The following ENPP6 variants were observed in gnomAD, a reference collection of about 807,000 sequenced individuals.
The protein encoded by ENPP6 is ectonucleotide pyrophosphatase/phosphodiesterase 6, also known as glycerophosphocholine cholinephosphodiesterase ENPP6.
Under a neutral mutation model 42.0 loss-of-function variants are expected in ENPP6, and 32 were observed. The observed-to-expected ratio is 0.76, with a 90% confidence interval of 0.58 to 1.02. The LOEUF (loss-of-function observed/expected upper bound fraction) is 1.02, where lower values mean the gene tolerates loss of function less well. Ranked by LOEUF, ENPP6 falls within the 50% of genes least tolerant of loss-of-function variation. The probability of loss-of-function intolerance (pLI) is 0.00; values close to 1 mark genes in which losing one functional copy is unlikely to be tolerated. For synonymous variants in ENPP6, 213 were observed against 216.0 expected (o/e 0.99, Z 0.12); for missense variants, 552 against 566.8 (o/e 0.97, Z 0.27).
intron 2 of ENPP6, among the ~76,000 whole-genome samples, chr4:184,129,481 T>TC (rs1736559790): frequency 6.6e-6 from 1 of 152,212 alleles, no homozygotes; most frequent in Non-Finnish European, 1.5e-5. Context: ...CATCAAGACC[T>TC]GTGTTTGAAA....
intron 2 of ENPP6, among the ~76,000 whole-genome samples, chr4:184,152,754 C>T (rs908740230): frequency 6.6e-6 from 1 of 152,212 alleles, no homozygotes; most frequent in Admixed American, 6.5e-5. Flanking sequence ...CCGAGGACTT[C>T]TCACAGCAGC....
intron 1 of ENPP6, among the ~76,000 whole-genome samples, chr4:184,179,987 C>T (rs1732527025): frequency 6.6e-6 from 1 of 152,028 alleles, no homozygotes; most frequent in Non-Finnish European, 1.5e-5. Flanking sequence ...TAAACAAACC[C>T]CAAAGCTAGC....
chr4:184,178,429 C>A (rs866739388), intron 1 of ENPP6, among the ~76,000 whole-genome samples: 1 of 152,114 alleles, frequency 6.6e-6, no homozygotes, highest in Non-Finnish European at 1.5e-5. Flanking sequence ...GAGAATGGAA[C>A]CAAGCTGGAA....
At chr4:184,166,799 C>T (rs1293141386) in intron 1 of ENPP6, among the ~76,000 whole-genome samples, 1 of 152,254 alleles carries the variant, frequency 6.6e-6, no homozygotes, top group Non-Finnish European at 1.5e-5. Context: ...CATCCTGAAG[C>T]ACCTCCGTCT....
chr4:184,188,115 C>T (rs115066748), intron 1 of ENPP6, among the ~76,000 whole-genome samples: 2,522 of 152,272 alleles, frequency 0.017, 67 homozygotes, highest in African/African-American at 0.058. Context: ...TTTATGGTAG[C>T]ATGCTCTTAC....
intron 1 of ENPP6, among the ~76,000 whole-genome samples, 189 bp downstream of exon 1, chr4:184,217,390 G>A (rs757289682): frequency 6.6e-6 from 1 of 152,130 alleles, no homozygotes; most frequent in African/African-American, 2.4e-5. Context: ...GATAACTTTT[G>A]GGAAACAATA....
intron 1 of ENPP6, among the ~76,000 whole-genome samples, chr4:184,190,916 C>A (rs113551715): frequency 1.0e-3 from 158 of 152,310 alleles, no homozygotes; most frequent in African/African-American, 3.4e-3. Context: ...TATGCTCAAC[C>A]CCAGAAGCGC....
chr4:184,142,824 A>G (rs1736845672), intron 2 of ENPP6, among the ~76,000 whole-genome samples: 1 of 152,174 alleles, frequency 6.6e-6, no homozygotes, highest in South Asian at 2.1e-4. Context: ...CCGCGCTTTC[A>G]TCTCTCTATC....
At chr4:184,213,197 A>C (rs918320369) in intron 1 of ENPP6, among the ~76,000 whole-genome samples, 11 of 152,206 alleles carry the variant, frequency 7.2e-5, no homozygotes, top group African/African-American at 2.2e-4. Context: ...TTCATGTCTA[A>C]AACACCAAAA....
At chr4:184,183,687 A>G (rs6848362) in intron 1 of ENPP6, among the ~76,000 whole-genome samples, 17,241 of 152,300 alleles carry the variant, frequency 0.11, 1,371 homozygotes, top group African/African-American at 0.23. Flanking sequence ...TCATATATGA[A>G]CTAAAGTTTT....
chr4:184,175,637 A>C (rs1737548251), intron 1 of ENPP6, among the ~76,000 whole-genome samples: 1 of 152,170 alleles, frequency 6.6e-6, no homozygotes, highest in South Asian at 2.1e-4. Context: ...AGTCTCCCCA[A>C]ATGGAAATAC....
At chr4:184,195,869 A>G (rs1184302286) in intron 1 of ENPP6, among the ~76,000 whole-genome samples, 1 of 152,096 alleles carries the variant, frequency 6.6e-6, no homozygotes, top group Non-Finnish European at 1.5e-5. Flanking sequence ...TTTAGCTTAG[A>G]CTCTCATCTG....
chr4:184,207,049 C>T (rs1368686169), intron 1 of ENPP6, among the ~76,000 whole-genome samples: 1 of 152,232 alleles, frequency 6.6e-6, no homozygotes, highest in Non-Finnish European at 1.5e-5. Flanking sequence ...GTCTCTGATG[C>T]CTGCTCCCCC....
intron 2 of ENPP6, among the ~76,000 whole-genome samples, chr4:184,131,318 CCTCT>C (rs1232897673): frequency 4.6e-5 from 5 of 108,322 alleles, no homozygotes; most frequent in East Asian, 5.5e-4. Context: ...CTTTCTCTCT[CCTCT>C]CTCTCTTTCT....
intron 2 of ENPP6, among the ~76,000 whole-genome samples, chr4:184,140,999 A>G (rs1736808512): frequency 8.0e-6 from 1 of 125,446 alleles, no homozygotes; most frequent in Non-Finnish European, 1.7e-5. Flanking sequence ...CATCTGACAA[A>G]GGGCTAATAT....
intron 6 of ENPP6, among the ~76,000 whole-genome samples, chr4:184,100,127 C>A (rs1249895049): frequency 6.6e-6 from 1 of 152,172 alleles, no homozygotes. Context: ...ATTAAAATAA[C>A]AAGTTGCCCC....
In ENPP6 at chr4:184,102,602, T is replaced by C. The variant is rs542568759; in HGVS notation, c.994-5234A>G. Among the ~76,000 whole-genome samples, 317 of 152,274 alleles carry C rather than the reference T, an allele frequency of 2.1e-3. 2 individuals carry two copies. In the South Asian group the frequency reaches 0.038, roughly 18 times the overall value. On this transcript the variant is annotated intron_variant, in intron 6 of 7. Transcript: ENST00000296741. ...CAGCTGTGTCCTGCATCCCTAAATG[T>C]CTCCTCCCGAGGTGGCTGGAGGGTT...
At chr4:184,183,407 T>G (rs1732585337) in intron 1 of ENPP6, among the ~76,000 whole-genome samples, 1 of 152,186 alleles carries the variant, frequency 6.6e-6, no homozygotes, top group African/African-American at 2.4e-5. Flanking sequence ...AGAACATGGA[T>G]GTAGAGCCTG....
At chr4:184,115,610 G>C (rs529744544) in intron 5 of ENPP6, among the ~76,000 whole-genome samples, 12 of 152,242 alleles carry the variant, frequency 7.9e-5, no homozygotes, top group African/African-American at 2.9e-4. Context: ...TGGGCTCAGC[G>C]TGCTTCCATA....
Sources: gnomAD v4.1 joint callset for allele counts (sites outside exome capture counted in the v4.1 genomes callset) on GRCh38, gnomAD v4.1.1 for gene constraint, MANE v1.5 for transcripts, NCBI Gene and HGNC (gene_info 2026-07-23, HGNC 2026-07-21) for gene names.